Variants in SGMS1 observed in about 807,000 individuals in gnomAD.
SGMS1 encodes phosphatidylcholine:ceramide cholinephosphotransferase 1.
In SGMS1, 13 loss-of-function variants were observed where a neutral mutation model predicts 46.2. The ratio of observed to expected loss-of-function variants is 0.28; its 90% CI spans 0.18 to 0.45. SGMS1 has a LOEUF of 0.45. SGMS1 is among the 20% of genes least tolerant of loss of function. The pLI is 1.00. For synonymous variants in SGMS1, 203 were observed against 187.8 expected (o/e 1.08, Z -0.66); for missense variants, 324 against 519.9 (o/e 0.62, Z 3.66).
chr10:50,603,067 T>C (rs1013539032), intron 1 of SGMS1, among the ~76,000 whole-genome samples: 2 of 152,256 alleles, frequency 1.3e-5, no homozygotes, highest in African/African-American at 4.8e-5. Flanking sequence ...CAATGTTAAA[T>C]GATAAAATAA....
chr10:50,388,301 TTTAA>T (rs1848711425), intron 6 of SGMS1, among the ~76,000 whole-genome samples: 1 of 151,976 alleles, frequency 6.6e-6, no homozygotes, highest in Non-Finnish European at 1.5e-5. Context: ...ATGTTAACAA[TTTAA>T]TTAAATATTT....
chr10:50,374,601 T>TA (rs1848495351), intron 6 of SGMS1, among the ~76,000 whole-genome samples: 1 of 152,070 alleles, frequency 6.6e-6, no homozygotes, highest in Non-Finnish European at 1.5e-5. Context: ...TCACTCCAAG[T>TA]AAAAAAACCA....
At chr10:50,427,136 T>C (rs1391095636) in intron 6 of SGMS1, among the ~76,000 whole-genome samples, 1 of 152,200 alleles carries the variant, frequency 6.6e-6, no homozygotes, top group Non-Finnish European at 1.5e-5. Flanking sequence ...CAGTGGCTCA[T>C]GCCTGTAATC....
chr10:50,569,565 C>T (rs1225336953), intron 2 of SGMS1, among the ~76,000 whole-genome samples: 1 of 152,090 alleles, frequency 6.6e-6, no homozygotes, highest in Non-Finnish European at 1.5e-5. Context: ...AGGTAGCAAA[C>T]AGCTTTACTG....
chr10:50,380,167 G>C (rs376919803), intron 6 of SGMS1, among the ~76,000 whole-genome samples: 2 of 152,032 alleles, frequency 1.3e-5, no homozygotes, highest in South Asian at 4.2e-4. Context: ...GATCACCTGA[G>C]GTCAGATGTT....
chr10:50,388,677 G>A (rs1333336326), intron 6 of SGMS1, among the ~76,000 whole-genome samples: 2 of 152,000 alleles, frequency 1.3e-5, no homozygotes, highest in African/African-American at 2.4e-5. Flanking sequence ...GCGAGCGCTT[G>A]ATATGTACTG....
chr10:50,467,095 T>A (rs1169150069), intron 3 of SGMS1, among the ~76,000 whole-genome samples, 163 bp from the exon 4 acceptor site: 2 of 152,024 alleles, frequency 1.3e-5, no homozygotes, highest in Non-Finnish European at 2.9e-5. Flanking sequence ...CTGGCTGTCA[T>A]GGTATTCAGA....
chr10:50,612,551 A>T (rs577396892), intron 1 of SGMS1, among the ~76,000 whole-genome samples: 13 of 152,246 alleles, frequency 8.5e-5, no homozygotes, highest in Non-Finnish European at 2.9e-5. Flanking sequence ...GGGGAATTTC[A>T]CACTTAGCCA....
At chr10:50,624,537 G>A (rs1183031567), upstream of SGMS1, 3 of 959,498 alleles carry the variant, frequency 3.1e-6, no homozygotes, top group African/African-American at 3.5e-5. Flanking sequence ...CGACGGAGGC[G>A]CAAGAGCTCT....
chr10:50,528,342 T>G (rs1017581055), intron 2 of SGMS1, among the ~76,000 whole-genome samples: 1 of 152,212 alleles, frequency 6.6e-6, no homozygotes, highest in Admixed American at 6.5e-5. Context: ...CAGATTTTAC[T>G]CAATCTTCAA....
intron 6 of SGMS1, among the ~76,000 whole-genome samples, chr10:50,375,242 A>G (rs892797162): frequency 2.8e-4 from 43 of 152,194 alleles, no homozygotes; most frequent in African/African-American, 1.0e-3. Context: ...GACAAGGTAG[A>G]GATTTCTGGG....
At chr10:50,575,187 T>A (rs1229967269) in intron 2 of SGMS1, among the ~76,000 whole-genome samples, 1 of 152,012 alleles carries the variant, frequency 6.6e-6, no homozygotes, top group African/African-American at 2.4e-5. Context: ...GTAAGTTCCA[T>A]ACATAGTACA....
intron 1 of SGMS1, among the ~76,000 whole-genome samples, chr10:50,608,540 C>T (rs1838717905): frequency 6.6e-6 from 1 of 152,124 alleles, no homozygotes; most frequent in Non-Finnish European, 1.5e-5. Context: ...GCCACCCCAC[C>T]CTTACACCTC....
intron 6 of SGMS1, among the ~76,000 whole-genome samples, chr10:50,390,428 C>T (rs918458279): frequency 6.6e-6 from 1 of 152,188 alleles, no homozygotes; most frequent in African/African-American, 2.4e-5. Context: ...AAAGCATAAA[C>T]CCTGAAGCAT....
At chr10:50,325,222 G>A (rs1847511556) in intron 8 of SGMS1, among the ~76,000 whole-genome samples, 1 of 152,122 alleles carries the variant, frequency 6.6e-6, no homozygotes, top group South Asian at 2.1e-4. Flanking sequence ...TCTGAGTGTT[G>A]GGTTTATGGG....
chr10:50,347,289 T>C (rs1380331533), intron 6 of SGMS1, among the ~76,000 whole-genome samples: 2 of 152,046 alleles, frequency 1.3e-5, no homozygotes, highest in East Asian at 3.9e-4. Context: ...AATGTGTAGA[T>C]GGCTTAATGG....
intron 2 of SGMS1, among the ~76,000 whole-genome samples, chr10:50,583,841 C>T (rs1250021421): frequency 6.6e-6 from 1 of 152,184 alleles, no homozygotes; most frequent in Non-Finnish European, 1.5e-5. Flanking sequence ...AACTTGAAGA[C>T]TATTCAAGTG....
At chr10:50,587,958 T>C (rs1838503193) in intron 2 of SGMS1, among the ~76,000 whole-genome samples, 1 of 152,148 alleles carries the variant, frequency 6.6e-6, no homozygotes, top group African/African-American at 2.4e-5. Flanking sequence ...TCTACTTCAG[T>C]AGAAAGTTTT....
intron 3 of SGMS1, among the ~76,000 whole-genome samples, chr10:50,491,589 C>A (rs1049298644): frequency 1.3e-5 from 2 of 152,104 alleles, no homozygotes; most frequent in Non-Finnish European, 2.9e-5. Flanking sequence ...AATTCCTGGA[C>A]ACATACACCC....
Sources: allele counts gnomAD v4.1 joint callset (sites outside exome capture counted in the v4.1 genomes callset), GRCh38; gene constraint gnomAD v4.1.1; transcripts MANE v1.5; gene names NCBI Gene and HGNC (gene_info 2026-07-23, HGNC 2026-07-21).